The following PRKN variants were observed in gnomAD, a reference collection of about 807,000 sequenced individuals.
PRKN encodes the protein E3 ubiquitin-protein ligase parkin.
Under a neutral mutation model 59.5 loss-of-function variants are expected in PRKN, and 56 were observed. The observed-to-expected ratio is 0.94, with a 90% confidence interval of 0.76 to 1.18. The LOEUF (loss-of-function observed/expected upper bound fraction) is 1.18, where lower values mean the gene tolerates loss of function less well. Among genes scored for constraint, PRKN ranks in the 50% most tolerant of loss-of-function variants. The pLI is 0.00. For synonymous variants in PRKN, 250 were observed against 222.1 expected (o/e 1.13, Z -1.12); for missense variants, 657 against 596.4 (o/e 1.10, Z -1.06).
At position 161,503,758 on chromosome 6, in the gene PRKN, C is replaced by CACTT. The variant is rs1778047500; in HGVS notation, c.1083+45095_1083+45096insAAGT. 6.6e-6 allele frequency among the ~76,000 whole-genome samples: 1 copy of CACTT among 152,186 alleles called. No individual in the cohort carries two copies. The highest frequency in any genetic ancestry group is 1.5e-5 in the Non-Finnish European group (1 of 68,036). ...AGGTTGTAAACATCACTCACTGCACCACAGGGTGGCCGTGACACAAAGTCA... is the reference window on the plus strand; with the variant it reads ...AGGTTGTAAACATCACTCACTGCACCACTTACAGGGTGGCCGTGACACAAAGTCA... On this transcript the variant is annotated intron_variant, in intron 9 of 11. Coordinates refer to ENST00000366898, the MANE Select transcript of PRKN (RefSeq NM_004562.3). The surrounding 1 kb of genome is among the most constrained non-coding windows in gnomAD (Gnocchi z 5.1).
intron 1 of PRKN, among the ~76,000 whole-genome samples, chr6:162,718,791 T>C (rs1171213512): frequency 3.3e-5 from 5 of 151,878 alleles, no homozygotes; most frequent in Admixed American, 6.6e-5. Flanking sequence ...TGCCCAGAAA[T>C]TGCCAGAACA....
chr6:161,742,947 G>A (rs73783383), intron 7 of PRKN, among the ~76,000 whole-genome samples: 5,979 of 152,134 alleles, frequency 0.039, 386 homozygotes, highest in African/African-American at 0.13. Flanking sequence ...CCTGGTTCCT[G>A]GTCTTTCCTG....
intron 9 of PRKN, among the ~76,000 whole-genome samples, chr6:161,477,215 T>C (rs1791128621): frequency 6.6e-6 from 1 of 152,044 alleles, no homozygotes; most frequent in Non-Finnish European, 1.5e-5. Context: ...GTATTGGTGA[T>C]GGAAAAAAAT....
intron 4 of PRKN, among the ~76,000 whole-genome samples, chr6:162,186,577 G>C (rs1253001719): frequency 6.6e-6 from 1 of 152,132 alleles, no homozygotes; most frequent in Non-Finnish European, 1.5e-5. Flanking sequence ...ATATGATTTG[G>C]ATCTGTGTCC....
Position 161,794,892 on chromosome 6 carries a change from A to AT in PRKN, c.735-8985dup, listed in dbSNP as rs531368900. ...GTATTGCTTTTATATTTAACTTAGC[A>AT]TTTTTTTTTTGAGGTGGAGTCTCGT... On this transcript the variant is annotated intron_variant, in intron 6 of 11. Transcript: ENST00000366898. 1.9e-3 allele frequency among the ~76,000 whole-genome samples: 280 copies of AT among 149,698 alleles called. 7 individuals carry two copies. In the South Asian group the frequency reaches 0.04, roughly 22 times the overall value.
chr6:162,537,386 T>C (rs1220210730), intron 1 of PRKN, among the ~76,000 whole-genome samples: 1 of 152,194 alleles, frequency 6.6e-6, no homozygotes, highest in African/African-American at 2.4e-5. Context: ...TCAGGCCCAG[T>C]GAGTTGCCAG....
At chr6:162,544,843 A>G (rs1369665941) in intron 1 of PRKN, among the ~76,000 whole-genome samples, 1 of 150,086 alleles carries the variant, frequency 6.7e-6, no homozygotes, top group Admixed American at 6.6e-5. Context: ...ACGCCTGGAT[A>G]TTTTTGTATT....
chr6:161,649,492 C>G (rs189552890), intron 7 of PRKN, among the ~76,000 whole-genome samples: 58 of 152,190 alleles, frequency 3.8e-4, no homozygotes, highest in Non-Finnish European at 6.3e-4. Flanking sequence ...TTGATTTTAC[C>G]CAATGGCTGA....
intron 6 of PRKN, among the ~76,000 whole-genome samples, chr6:161,873,112 C>A (rs4467753): frequency 0.65 from 97,991 of 151,064 alleles, 32,434 homozygotes; most frequent in Middle Eastern, 0.72. Flanking sequence ...AAATAAAGGC[C>A]CGTTCTCAAT....
chr6:162,498,130 C>G (rs529768838), intron 1 of PRKN, among the ~76,000 whole-genome samples: 2 of 152,156 alleles, frequency 1.3e-5, no homozygotes, highest in East Asian at 3.9e-4. Context: ...GATCTCTAAA[C>G]CAGTTGTGTT....
intron 2 of PRKN, among the ~76,000 whole-genome samples, chr6:162,426,925 C>A (rs1019353108): frequency 2.0e-5 from 3 of 152,184 alleles, no homozygotes; most frequent in African/African-American, 4.8e-5. Context: ...GTTAAGGAGA[C>A]AAACCAGAGG....
At position 161,956,054 on chromosome 6, in the gene PRKN, G is replaced by C. The variant is rs562453284; in HGVS notation, c.734+17248C>G. Among the ~76,000 whole-genome samples the C allele has an allele frequency of 2.6e-5, 4 of 152,160 alleles. No homozygotes were observed. In the South Asian group the frequency reaches 8.3e-4, roughly 32 times the overall value. ...ACTTACCTACAATATCCCCCTTTCA[G>C]TTAGCAAGTCAGGGCCAAAATCTTG... On this transcript the variant is annotated intron_variant, in intron 6 of 11. Transcript: ENST00000366898.
At chr6:162,217,466 C>T (rs1419581699) in intron 3 of PRKN, among the ~76,000 whole-genome samples, 1 of 152,146 alleles carries the variant, frequency 6.6e-6, no homozygotes, top group Non-Finnish European at 1.5e-5. Flanking sequence ...CTGCAACCCC[C>T]ACCTCCCGGA....
At chr6:161,465,621 C>G (rs750692922) in intron 9 of PRKN, among the ~76,000 whole-genome samples, 2 of 152,058 alleles carry the variant, frequency 1.3e-5, no homozygotes, top group Non-Finnish European at 2.9e-5. Context: ...ATGAGGTTCC[C>G]TCTGGCAGCT....
At chr6:161,923,328 C>T (rs1778850015) in intron 6 of PRKN, among the ~76,000 whole-genome samples, 1 of 152,088 alleles carries the variant, frequency 6.6e-6, no homozygotes, top group Non-Finnish European at 1.5e-5. Flanking sequence ...ACTAAAAATA[C>T]AAAAATTAAC....
chr6:161,680,748 TATATATATATATATATATATATATA>T lies in PRKN; in HGVS notation c.871+104999_871+105023del, dbSNP rs1296518758. Among the ~76,000 whole-genome samples the T allele has an allele frequency of 4.1e-3, 52 of 12,730 alleles. 3 individuals carry two copies. The highest frequency in any genetic ancestry group is 0.014 in the East Asian group (4 of 294). 8.4% of individuals were successfully genotyped at this position (12,730 alleles called of 152,430 possible). On this transcript the variant is annotated intron_variant, in intron 7 of 11. Transcript: ENST00000366898. ...ATACATATATATATATATATATATA[TATATATATATATATATATATATATA>T]TATTTTTTTTTTTTTTTCTTTTCCT... is the stretch of plus-strand genomic sequence containing the variant.
Position 161,634,642 on chromosome 6 carries a change from G to A in PRKN, c.872-65226C>T, listed in dbSNP as rs140889151. Among the ~76,000 whole-genome samples the A allele has an allele frequency of 4.6e-5, 7 of 152,224 alleles. No individual in the cohort carries two copies. The East Asian group carries it at 5.8e-4, about 13-fold the overall frequency. Reference sequence around the variant, plus strand: ...CGAGGATGGAAGTTGAGGTGGGCTCGCCATCCTTTGGGGTTGGTCTTCCCA... The same window carrying A: ...CGAGGATGGAAGTTGAGGTGGGCTCACCATCCTTTGGGGTTGGTCTTCCCA... On this transcript the variant is annotated intron_variant, in intron 7 of 11. Coordinates refer to ENST00000366898, the MANE Select transcript of PRKN (RefSeq NM_004562.3).
intron 1 of PRKN, among the ~76,000 whole-genome samples, chr6:162,579,715 C>T (rs1780711669): frequency 1.3e-5 from 2 of 152,080 alleles, no homozygotes; most frequent in African/African-American, 4.8e-5. Context: ...ATTTCACACA[C>T]ACAAAATCAC....
chr6:161,871,423 C>T (rs1312392890), intron 6 of PRKN, among the ~76,000 whole-genome samples: 2 of 152,152 alleles, frequency 1.3e-5, no homozygotes, highest in African/African-American at 2.4e-5. Flanking sequence ...ACTATTGCCT[C>T]AGCCACCCTA....
Sources: gnomAD v4.1 joint callset for allele counts (sites outside exome capture counted in the v4.1 genomes callset) on GRCh38, gnomAD v4.1.1 for gene constraint, Gnocchi (gnomAD v3.1) non-coding constraint, MANE v1.5 for transcripts, NCBI Gene and HGNC (gene_info 2026-07-23, HGNC 2026-07-21) for gene names.